MEGF10: variants seen among roughly 807,000 people sequenced by gnomAD.
MEGF10 encodes the protein multiple epidermal growth factor-like domains protein 10.
In MEGF10, 86 loss-of-function variants were observed where a neutral mutation model predicts 147.5. That is an observed-to-expected ratio of 0.58 (90% CI 0.49 to 0.70). MEGF10 has a LOEUF of 0.70. Among genes scored for constraint, MEGF10 ranks in the 30% least tolerant of loss-of-function variants. The probability of loss-of-function intolerance (pLI) is 0.00; values close to 1 mark genes in which losing one functional copy is unlikely to be tolerated. For synonymous variants in MEGF10, 478 were observed against 525.5 expected, an observed-to-expected ratio of 0.91 and a Z score of 1.24; for missense variants, 1,329 against 1,487.3, an observed-to-expected ratio of 0.89 and a Z score of 1.75.
the MEGF10 span, among the ~76,000 whole-genome samples, chr5:127,259,444 G>T: frequency 5.3e-5 from 8 of 152,160 alleles, no homozygotes; most frequent in African/African-American, 1.9e-4. Flanking sequence ...GTCAAAGGGG[G>T]GAGAGTGTGG....
chr5:127,311,110 T>C (rs1028228782), intron 1 of MEGF10, among the ~76,000 whole-genome samples: 2 of 152,226 alleles, frequency 1.3e-5, no homozygotes, highest in Admixed American at 6.5e-5. Flanking sequence ...TTATTTCTAT[T>C]AAGTGTTGGT....
chr5:127,354,909 T>C (rs776101867), intron 4 of MEGF10, among the ~76,000 whole-genome samples: 1 of 152,168 alleles, frequency 6.6e-6, no homozygotes. Context: ...AGGAGAGGGA[T>C]TGGCAGGCTT....
At chr5:127,271,034 G>C in the MEGF10 span, among the ~76,000 whole-genome samples, 1 of 152,268 alleles carries the variant, frequency 6.6e-6, no homozygotes, top group Admixed American at 6.5e-5. Context: ...ATATGTGCAC[G>C]TGTCTTTATA....
rs778237428 is a variant in MEGF10, at chr5:127,447,697, G to T, written c.2856+13G>T. On this transcript the variant is annotated intron_variant, in intron 21 of 24. Transcript: ENST00000503335. ...GACTGTCACGAAGGTGAGAGGAATT[G>T]GTTCAAGTCTTTGGAAGTGGGCTGG... 3.1e-6 allele frequency: 5 copies of T among 1,613,802 alleles called. No homozygotes were observed. In the South Asian group the frequency reaches 3.3e-5, roughly 11 times the overall value.
chr5:127,410,521 C>T lies in MEGF10; in HGVS notation c.1050C>T (p.Cys350=), dbSNP rs201804815. 54 of 1,613,762 alleles carry T rather than the reference C, an allele frequency of 3.3e-5. No individual in the cohort carries two copies. Among genetic ancestry groups the T allele is most frequent in the African/African-American group, 2.3e-4 (17 of 75,054 alleles). The change falls in exon 9 of 25, where the codon TGC becomes TGT. Residue 350 remains cysteine, a synonymous_variant. Coordinates refer to ENST00000503335, the MANE Select transcript of MEGF10 (RefSeq NM_001256545.2). The part of the protein sequence containing the change: ...LCEAGFAGER[C]EARLCPEGLY... Reference sequence around the variant, plus strand: ...AAGCAGGCTTTGCTGGCGAGCGCTGCGAAGCACGCCTGTGTCCTGAGGGGC... The same window carrying T: ...AAGCAGGCTTTGCTGGCGAGCGCTGTGAAGCACGCCTGTGTCCTGAGGGGC...
chr5:127,367,415 T>G (rs1277970400), intron 4 of MEGF10, among the ~76,000 whole-genome samples: 1 of 152,180 alleles, frequency 6.6e-6, no homozygotes, highest in African/African-American at 2.4e-5. Context: ...ATTAATCCTT[T>G]TGTCAAATAA....
At chr5:127,332,749 C>T (rs551347685) in intron 2 of MEGF10, among the ~76,000 whole-genome samples, 44 of 152,062 alleles carry the variant, frequency 2.9e-4, no homozygotes, top group Non-Finnish European at 5.3e-4. Flanking sequence ...TTTACAGCAC[C>T]TCCCATAAGG....
At chr5:127,301,881 A>C (rs113639302) in intron 1 of MEGF10, among the ~76,000 whole-genome samples, 32 of 152,326 alleles carry the variant, frequency 2.1e-4, no homozygotes, top group African/African-American at 7.2e-4. Context: ...AGAATCGTTC[A>C]AATGCTTAAA....
chr5:127,343,875 A>T (rs961666195), intron 4 of MEGF10, among the ~76,000 whole-genome samples: 23 of 151,950 alleles, frequency 1.5e-4, no homozygotes, highest in African/African-American at 5.6e-4. Flanking sequence ...GAGGAAGGGG[A>T]GCTGAGTGGC....
intron 5 of MEGF10, among the ~76,000 whole-genome samples, chr5:127,385,753 A>G (rs745431587): frequency 5.3e-5 from 8 of 152,196 alleles, no homozygotes; most frequent in Non-Finnish European, 1.0e-4. Flanking sequence ...CTTGACCCCT[A>G]TGTAATTCAA....
intron 1 of MEGF10, among the ~76,000 whole-genome samples, chr5:127,296,257 G>A (rs1759495265): frequency 6.6e-6 from 1 of 152,200 alleles, no homozygotes; most frequent in African/African-American, 2.4e-5. Context: ...TGCAAACTCT[G>A]TGGCATTAGC....
At position 127,384,077 on chromosome 5, in the gene MEGF10, C is replaced by G. The variant is rs144448715; in HGVS notation, c.413-12455C>G. 4.7e-3 allele frequency among the ~76,000 whole-genome samples: 722 copies of G among 152,306 alleles called. 5 individuals carry two copies. The highest frequency in any genetic ancestry group is 0.017 in the African/African-American group (698 of 41,566). ...CTTCCTCTGGGAAACCTTCTCTCCC[C>G]CTCCTTTCTCTCCACTGCCCAAAGG... is the stretch of plus-strand genomic sequence containing the variant. On this transcript the variant is annotated intron_variant, in intron 5 of 24. Transcript: ENST00000503335.
intron 7 of MEGF10, among the ~76,000 whole-genome samples, chr5:127,400,974 A>G (rs1241891607): frequency 6.6e-6 from 1 of 152,202 alleles, no homozygotes; most frequent in Non-Finnish European, 1.5e-5. Context: ...ATTCCTATAG[A>G]CACACATACC....
At chr5:127,428,862 A>G (rs1765296806) in intron 13 of MEGF10, among the ~76,000 whole-genome samples, 2 of 152,252 alleles carry the variant, frequency 1.3e-5, no homozygotes, top group African/African-American at 4.8e-5. Flanking sequence ...TGCCCAGTGA[A>G]TGCTGATTTC....
At chr5:127,264,965 C>T in the MEGF10 span, among the ~76,000 whole-genome samples, 17 of 151,838 alleles carry the variant, frequency 1.1e-4, no homozygotes, top group South Asian at 1.2e-3. Flanking sequence ...ATGTGCACAA[C>T]GTGCAGGTTT....
chr5:127,316,226 T>C (rs1760542779), intron 1 of MEGF10, among the ~76,000 whole-genome samples: 1 of 152,222 alleles, frequency 6.6e-6, no homozygotes, highest in African/African-American at 2.4e-5. Context: ...GCTCCCTTGC[T>C]GCTGTCAAAT....
At chr5:127,440,918 C>T (rs745676353) in intron 18 of MEGF10, 51 bp downstream of exon 18, 1 of 1,595,704 alleles carries the variant, frequency 6.3e-7, no homozygotes, top group Admixed American at 1.7e-5. Context: ...CCTCTAGAAT[C>T]ACATTTCCTA....
At chr5:127,391,084 A>ATGTGTGCG (rs146867870) in intron 5 of MEGF10, among the ~76,000 whole-genome samples, 1 of 93,542 alleles carries the variant, frequency 1.1e-5, no homozygotes, top group African/African-American at 3.2e-5. Flanking sequence ...ATACATACAC[A>ATGTGTGCG]CATGCGCGCG....
chr5:127,395,658 C>T (rs1420113700), intron 5 of MEGF10, among the ~76,000 whole-genome samples: 7 of 151,102 alleles, frequency 4.6e-5, no homozygotes. Flanking sequence ...CATTCTCCTG[C>T]CTCAGCCTCC....
Sources: allele counts gnomAD v4.1 joint callset (sites outside exome capture counted in the v4.1 genomes callset), GRCh38; gene constraint gnomAD v4.1.1; transcripts MANE v1.5; gene names NCBI Gene and HGNC (gene_info 2026-07-23, HGNC 2026-07-21).